CSMD3: variants seen among roughly 807,000 people sequenced by gnomAD.
The protein encoded by CSMD3 is CUB and Sushi multiple domains 3.
Under a neutral mutation model 435.2 loss-of-function variants are expected in CSMD3, and 177 were observed. The observed-to-expected ratio is 0.41, with a 90% CI of 0.36 to 0.46. The LOEUF is 0.46. Among genes scored for constraint, CSMD3 ranks in the 20% least tolerant of loss-of-function variants. The pLI, the probability that CSMD3 is intolerant of heterozygous loss-of-function variation, is 0.34. For synonymous variants in CSMD3, 1,656 were observed against 1,520.5 expected (o/e 1.09, Z -2.07); for missense variants, 4,265 against 4,504.6 (o/e 0.95, Z 1.52).
chr8:112,933,572 C>G (rs770752159), intron 9 of CSMD3, among the ~76,000 whole-genome samples: 7 of 152,128 alleles, frequency 4.6e-5, no homozygotes, highest in Non-Finnish European at 8.8e-5. Context: ...CTCTGATACT[C>G]TGAATCATAG....
intron 12 of CSMD3, among the ~76,000 whole-genome samples, chr8:112,821,621 T>G (rs1228568894): frequency 1.3e-5 from 2 of 152,218 alleles, no homozygotes; most frequent in Non-Finnish European, 2.9e-5. Flanking sequence ...CTGATGATAG[T>G]TTACTTTGCT....
chr8:113,252,615 C>G lies in CSMD3; in HGVS notation c.514+25977G>C, dbSNP rs192324471. ...TTTTCCAAGTTTTTTTGCCTTCTCT[C>G]TATGGCCTTCTCTATTATGACAAAT... On this transcript the variant is annotated intron_variant, in intron 3 of 70. Transcript: ENST00000297405. 7.2e-5 allele frequency among the ~76,000 whole-genome samples: 11 copies of G among 152,148 alleles called. No homozygotes were observed. The East Asian group carries it at 2.1e-3, about 29-fold the overall frequency.
chr8:112,390,778 A>AGTG lies in CSMD3; in HGVS notation c.5819_5820insCAC (p.Gly1940_Gly1941insThr). The AGTG allele has an allele frequency of 6.2e-7, 1 of 1,613,706 alleles. No homozygotes were observed. Among genetic ancestry groups the AGTG allele is most frequent in the Non-Finnish European group, 8.5e-7 (1 of 1,179,626 alleles). On this transcript the variant is annotated inframe_insertion, in exon 36 of 71. Transcript: ENST00000297405. ...TCCCTTTGCGCTTAGTTAAAATTCC[A>AGTG]CCACAGGGCACTGAAAATAAAGCAG...
chr8:113,334,634 ATGCTAGTT>A (rs1235699847), intron 1 of CSMD3, among the ~76,000 whole-genome samples: 6 of 152,080 alleles, frequency 3.9e-5, no homozygotes, highest in African/African-American at 1.4e-4. Context: ...TAGAATAAGA[ATGCTAGTT>A]ATTTTGAAAC....
chr8:112,246,150 A>C (rs1053623243), intron 64 of CSMD3, among the ~76,000 whole-genome samples: 4 of 152,194 alleles, frequency 2.6e-5, no homozygotes, highest in African/African-American at 9.6e-5. Context: ...ATAAGCCAAC[A>C]AGGCACATAA....
intron 47 of CSMD3, among the ~76,000 whole-genome samples, chr8:112,315,040 G>A (rs973611368): frequency 6.6e-6 from 1 of 151,640 alleles, no homozygotes; most frequent in Non-Finnish European, 1.5e-5. Context: ...TCACTCAGGT[G>A]TGTGGGGTCA....
chr8:113,132,371 T>C (rs1261639247), intron 4 of CSMD3, among the ~76,000 whole-genome samples: 2 of 152,096 alleles, frequency 1.3e-5, no homozygotes, highest in Non-Finnish European at 2.9e-5. Flanking sequence ...CTCATGTTAA[T>C]TGAGGGAGGG....
intron 6 of CSMD3, among the ~76,000 whole-genome samples, chr8:112,980,907 T>C (rs1055122963): frequency 1.1e-4 from 17 of 151,594 alleles, no homozygotes; most frequent in Middle Eastern, 3.4e-3. Flanking sequence ...ATATGCAATT[T>C]AGAAAAGAGA....
At chr8:112,743,943 G>A (rs2077371200) in intron 13 of CSMD3, among the ~76,000 whole-genome samples, 1 of 151,878 alleles carries the variant, frequency 6.6e-6, no homozygotes, top group Non-Finnish European at 1.5e-5. Context: ...AAGCAAATCT[G>A]ATATAACCGC....
intron 1 of CSMD3, among the ~76,000 whole-genome samples, chr8:113,390,477 T>C (rs1486646474): frequency 1.3e-5 from 2 of 151,908 alleles, no homozygotes; most frequent in African/African-American, 4.8e-5. Context: ...TTCCTGATTA[T>C]CTTCATTACA....
intron 16 of CSMD3, among the ~76,000 whole-genome samples, chr8:112,667,680 G>A (rs1280973349): frequency 5.3e-5 from 8 of 151,948 alleles, no homozygotes; most frequent in Non-Finnish European, 1.0e-4. Context: ...AGCTACATTA[G>A]CCTGCTCTAC....
At chr8:113,055,784 C>T (rs1461333854) in intron 5 of CSMD3, among the ~76,000 whole-genome samples, 1 of 152,102 alleles carries the variant, frequency 6.6e-6, no homozygotes, top group Non-Finnish European at 1.5e-5. Context: ...TTCTGAGATC[C>T]TTACTTCTCC....
Position 112,224,633 on chromosome 8 carries a change from C to T in CSMD3, c.*138G>A. ...TTATGGTCCAGTTTATGAAAAAACA[C>T]TCTTCTGTATCATTCCTCAGGAAAA... is the stretch of plus-strand genomic sequence containing the variant. On this transcript the variant is annotated 3_prime_UTR_variant, in exon 71 of 71. Transcript: ENST00000297405. The T allele has an allele frequency of 1.2e-6, 1 of 843,240 alleles. No individual in the cohort carries two copies. The highest frequency in any genetic ancestry group is 1.4e-5 in the South Asian group (1 of 72,944). 52.2% of individuals were successfully genotyped at this position (843,240 alleles called of 1,614,324 possible). A position where few individuals can be genotyped will look rare whatever the true frequency, so the allele number is the denominator to read the frequency against.
At chr8:112,540,111 T>C (rs1007534782) in intron 27 of CSMD3, among the ~76,000 whole-genome samples, 9 of 151,774 alleles carry the variant, frequency 5.9e-5, no homozygotes, top group Non-Finnish European at 1.2e-4. Context: ...ATCCAATTAA[T>C]AATGAGCAAA....
chr8:112,765,037 G>A (rs1217870793), intron 13 of CSMD3, among the ~76,000 whole-genome samples: 1 of 151,416 alleles, frequency 6.6e-6, no homozygotes, highest in African/African-American at 2.4e-5. Context: ...GGAAAAACAA[G>A]GAAAAAAGGT....
chr8:113,312,718 A>C (rs2093878828), intron 2 of CSMD3: 1 of 152,154 alleles, frequency 6.6e-6, no homozygotes, highest in Non-Finnish European at 1.5e-5. Context: ...CCAGTGTAAA[A>C]AATTGTACTT....
chr8:112,454,526 A>G (rs949300613), intron 32 of CSMD3, among the ~76,000 whole-genome samples: 1 of 152,222 alleles, frequency 6.6e-6, no homozygotes, highest in Non-Finnish European at 1.5e-5. Flanking sequence ...ATGCAAATCC[A>G]AACTATAATG....
At chr8:112,424,284 T>C (rs1812825055) in intron 32 of CSMD3, among the ~76,000 whole-genome samples, 1 of 152,158 alleles carries the variant, frequency 6.6e-6, no homozygotes, top group African/African-American at 2.4e-5. Context: ...TACTAATTGG[T>C]TCCTAGTTAC....
At chr8:113,020,166 T>C (rs1208698053) in intron 5 of CSMD3, among the ~76,000 whole-genome samples, 1 of 69,412 alleles carries the variant, frequency 1.4e-5, no homozygotes, top group Non-Finnish European at 2.2e-5. Flanking sequence ...CGAGACTCCG[T>C]CTCAAAAAAA....
Sources: gnomAD v4.1 joint callset for allele counts (sites outside exome capture counted in the v4.1 genomes callset) on GRCh38, gnomAD v4.1.1 for gene constraint, MANE v1.5 for transcripts, NCBI Gene and HGNC (gene_info 2026-07-23, HGNC 2026-07-21) for gene names.